SIPA1L1: variants seen among roughly 807,000 people sequenced by gnomAD.
SIPA1L1 encodes signal-induced proliferation-associated 1-like protein 1.
SIPA1L1 carries 26 observed loss-of-function variants against 162.7 expected under a neutral mutation model. The ratio of observed to expected loss-of-function variants is 0.16; its 90% CI spans 0.12 to 0.22. The LOEUF is 0.22. Among genes scored for constraint, SIPA1L1 ranks in the 10% least tolerant of loss-of-function variants. The pLI, the probability that SIPA1L1 is intolerant of heterozygous loss-of-function variation, is 1.00. For synonymous variants in SIPA1L1, 829 were observed against 837.4 expected, an observed-to-expected ratio of 0.99 and a Z score of 0.17; for missense variants, 1,874 against 2,241.0, an observed-to-expected ratio of 0.84 and a Z score of 3.31.
At chr14:71,456,441 A>G (rs940909389) in intron 2 of SIPA1L1, among the ~76,000 whole-genome samples, 2 of 152,244 alleles carry the variant, frequency 1.3e-5, no homozygotes, top group Non-Finnish European at 2.9e-5. Context: ...ACTGTTTATT[A>G]TACATTGGTC....
intron 4 of SIPA1L1, among the ~76,000 whole-genome samples, chr14:71,575,669 T>TAAATAGTC (rs1238540476): frequency 1.3e-5 from 2 of 152,242 alleles, no homozygotes; most frequent in Non-Finnish European, 2.9e-5. Flanking sequence ...GCTGGGATTT[T>TAAATAGTC]AAATAGTCGA....
At chr14:71,323,204 T>C (rs1391478445) in intron 2 of SIPA1L1, among the ~76,000 whole-genome samples, 2 of 152,244 alleles carry the variant, frequency 1.3e-5, no homozygotes, top group African/African-American at 4.8e-5. Flanking sequence ...AAGTCATAGA[T>C]TGAAGATTGC....
At chr14:71,423,112 T>C (rs971583634) in intron 2 of SIPA1L1, among the ~76,000 whole-genome samples, 5 of 152,230 alleles carry the variant, frequency 3.3e-5, no homozygotes, top group African/African-American at 9.6e-5. Context: ...TTGGCCATTT[T>C]AATATCTTTT....
At chr14:71,571,486 A>C (rs2032003975) in intron 4 of SIPA1L1, among the ~76,000 whole-genome samples, 1 of 152,192 alleles carries the variant, frequency 6.6e-6, no homozygotes, top group African/African-American at 2.4e-5. Flanking sequence ...AAATCCAGAA[A>C]AGAGCATATA....
At chr14:71,643,067 C>T (rs1460877929) in intron 7 of SIPA1L1, among the ~76,000 whole-genome samples, 1 of 151,802 alleles carries the variant, frequency 6.6e-6, no homozygotes, top group Non-Finnish European at 1.5e-5. Context: ...TTAGGAACTA[C>T]CTGAAAAAGT....
At chr14:71,547,292 CT>C (rs753714304) in intron 4 of SIPA1L1, among the ~76,000 whole-genome samples, 1,466 of 111,232 alleles carry the variant, frequency 0.013, 5 homozygotes, top group Middle Eastern at 0.03. Flanking sequence ...ATGAAAATAA[CT>C]TTTTTTTTTT....
At chr14:71,735,023 C>T (rs1744244486) in intron 21 of SIPA1L1, among the ~76,000 whole-genome samples, 1 of 152,126 alleles carries the variant, frequency 6.6e-6, no homozygotes, top group African/African-American at 2.4e-5. Context: ...TAGAATGCTA[C>T]AGTGATGAGC....
At chr14:71,637,319 GAT>G (rs2041262175) in intron 7 of SIPA1L1, among the ~76,000 whole-genome samples, 1 of 152,034 alleles carries the variant, frequency 6.6e-6, no homozygotes, top group Non-Finnish European at 1.5e-5. Context: ...AATACAATAA[GAT>G]ATTTTGAGAG....
chr14:71,645,112 A>C (rs149163360), intron 7 of SIPA1L1, among the ~76,000 whole-genome samples: 1 of 152,202 alleles, frequency 6.6e-6, no homozygotes, highest in Non-Finnish European at 1.5e-5. Flanking sequence ...ACCTTGGCTC[A>C]TGGCCCTTCC....
chr14:71,503,886 C>T (rs2050443309), intron 2 of SIPA1L1: 3 of 152,060 alleles, frequency 2.0e-5, no homozygotes, highest in African/African-American at 7.2e-5. Context: ...TCACTGCAAC[C>T]TCTGCCTCCT....
intron 2 of SIPA1L1, among the ~76,000 whole-genome samples, chr14:71,487,504 G>A (rs2048868566): frequency 6.6e-6 from 1 of 152,156 alleles, no homozygotes; most frequent in Non-Finnish European, 1.5e-5. Context: ...AGTTGCTATG[G>A]TGTGTTAGAG....
chr14:71,588,703 A>T lies in SIPA1L1; in HGVS notation c.831A>T (p.Glu277Asp). The T allele has an allele frequency of 6.2e-7, 1 of 1,614,026 alleles. No individual in the cohort carries two copies. Among genetic ancestry groups the T allele is most frequent in the Non-Finnish European group, 8.5e-7 (1 of 1,179,978 alleles). ...GAGAGAACCTCAGGCTTTTTAAGGA[A>T]AGGGAAAAACCACTCAAGCGACGTT... ...SQRENLRLFK[E>D]REKPLKRRSK... The change falls in exon 5 of 24, where the codon GAA becomes GAT. Residue 277 changes from glutamate (E) to aspartate (D), a missense_variant. Around this residue, in one of 5 missense-constraint regions of SIPA1L1, gnomAD observed 685 missense variants for 828.0 expected, o/e 0.83. Coordinates refer to ENST00000381232, the MANE Select transcript of SIPA1L1 (RefSeq NM_001386936.1). This position sits in a 1 kb window ranked among gnomAD's most constrained non-coding sequence, Gnocchi z 4.3.
intron 2 of SIPA1L1, among the ~76,000 whole-genome samples, chr14:71,357,517 G>A (rs1016329013): frequency 2.0e-5 from 3 of 152,168 alleles, no homozygotes; most frequent in South Asian, 2.1e-4. Flanking sequence ...GAGCCCTGAC[G>A]TAATAGTCAG....
intron 2 of SIPA1L1, among the ~76,000 whole-genome samples, chr14:71,343,271 G>A (rs919505328): frequency 2.0e-5 from 3 of 152,152 alleles, no homozygotes; most frequent in African/African-American, 4.8e-5. Context: ...CACAAAGTCC[G>A]TTTCTAAATA....
chr14:71,725,732 A>G (rs1316393878), intron 19 of SIPA1L1, among the ~76,000 whole-genome samples: 2 of 152,104 alleles, frequency 1.3e-5, no homozygotes, highest in Admixed American at 1.3e-4. Context: ...GAGTATAGGT[A>G]TTTCTGTCTG....
rs1215665510 is a variant in SIPA1L1, at chr14:71,600,898, CG to C, written c.1498+11529del. Among the ~76,000 whole-genome samples, 10 of 151,780 alleles carry C rather than the reference CG, an allele frequency of 6.6e-5. 1 individual carries two copies. The stretch of plus-strand genomic sequence containing the variant: ...TTCTTGATTTCTTTCTCAACTAATT[CG>C]TTATTGGTGTAAAGGAACACTACTG... On this transcript the variant is annotated intron_variant, in intron 5 of 23. Coordinates refer to ENST00000381232, the MANE Select transcript of SIPA1L1 (RefSeq NM_001386936.1).
At chr14:71,591,269 G>A (rs547482835) in intron 5 of SIPA1L1, among the ~76,000 whole-genome samples, 60 of 151,326 alleles carry the variant, frequency 4.0e-4, no homozygotes, top group African/African-American at 1.2e-3. Context: ...CAGGAAGGTA[G>A]GTACTATTGT....
intron 5 of SIPA1L1, among the ~76,000 whole-genome samples, chr14:71,597,337 A>G (rs527749637): frequency 1.3e-5 from 2 of 151,858 alleles, no homozygotes; most frequent in Admixed American, 6.6e-5. Flanking sequence ...CCATTTCTCT[A>G]TTGGTATTAA....
intron 12 of SIPA1L1, 144 bp downstream of exon 12, chr14:71,672,766 C>G (rs2044664932): frequency 2.1e-6 from 2 of 938,758 alleles, no homozygotes; most frequent in Non-Finnish European, 3.1e-6. Context: ...TCCATGGAGT[C>G]TGACTCAGGA....
Sources: allele counts gnomAD v4.1 joint callset (sites outside exome capture counted in the v4.1 genomes callset), GRCh38; gene constraint gnomAD v4.1.1; regional missense constraint gnomAD v4.1.1; non-coding constraint Gnocchi (gnomAD v3.1); transcripts MANE v1.5; gene names NCBI Gene and HGNC (gene_info 2026-07-23, HGNC 2026-07-21).